ABCC3: variants seen among roughly 807,000 people sequenced by gnomAD.
ABCC3 encodes the protein ATP binding cassette subfamily C member 3.
ABCC3 carries 121 observed loss-of-function variants against 165.3 expected under a neutral mutation model. The observed-to-expected ratio is 0.73, with a 90% CI of 0.63 to 0.85. The LOEUF (loss-of-function observed/expected upper bound fraction) is 0.85. ABCC3 is among the 40% of genes least tolerant of loss of function. The probability of loss-of-function intolerance (pLI) is 0.00; values close to 1 mark genes in which losing one functional copy is unlikely to be tolerated. For missense variants in ABCC3, 1,869 were observed against 1,964.1 expected, an observed-to-expected ratio of 0.95 and a Z score of 0.92; for synonymous variants, 733 against 810.1, an observed-to-expected ratio of 0.90 and a Z score of 1.62.
intron 24 of ABCC3, 72 bp downstream of exon 24, chr17:50,678,015 TGTC>T (rs1967858835): frequency 1.2e-6 from 2 of 1,613,842 alleles, no homozygotes; most frequent in Non-Finnish European, 1.7e-6. Flanking sequence ...TCAGGGTCCT[TGTC>T]CCTCCTTTCC....
chr17:50,635,897 A>C, intron 1 of ABCC3: 2 of 279,142 alleles, frequency 7.2e-6, no homozygotes, highest in Non-Finnish European at 6.8e-6. Flanking sequence ...AAAATAAATA[A>C]ATAAGAAAAG....
chr17:50,688,750 A>G (rs1021047208), intron 30 of ABCC3, among the ~76,000 whole-genome samples: 4 of 150,564 alleles, frequency 2.7e-5, no homozygotes, highest in Non-Finnish European at 5.9e-5. Flanking sequence ...CAAAACAAAA[A>G]CAAAAATTTG....
At chr17:50,646,562 C>T (rs940522191) in intron 1 of ABCC3, among the ~76,000 whole-genome samples, 1 of 152,290 alleles carries the variant, frequency 6.6e-6, no homozygotes, top group East Asian at 1.9e-4. Context: ...AGGAAGGAGG[C>T]AGAGAAGAGG....
chr17:50,646,786 A>T (rs1311756256), intron 1 of ABCC3, among the ~76,000 whole-genome samples: 1 of 152,262 alleles, frequency 6.6e-6, no homozygotes, highest in Non-Finnish European at 1.5e-5. Flanking sequence ...AGATATTATC[A>T]TCCCAATGTT....
chr17:50,656,155 G>A, intron 2 of ABCC3, 147 bp downstream of exon 2: 1 of 610,792 alleles, frequency 1.6e-6, no homozygotes, highest in Non-Finnish European at 2.3e-6. Context: ...GCATGATCTT[G>A]GCTCACTGCA....
Position 50,665,257 on chromosome 17 carries a change from C to T in ABCC3, c.1431+12C>T, listed in dbSNP as rs752225937. 5 of 1,610,662 alleles carry T rather than the reference C, an allele frequency of 3.1e-6. No individual in the cohort carries two copies. Among genetic ancestry groups the T allele is most frequent in the South Asian group, 1.1e-5 (1 of 91,038 alleles). On this transcript the variant is annotated intron_variant, in intron 11 of 30. Transcript: ENST00000285238. Reference sequence around the variant, plus strand: ...TGCGCGCCTTCCAGGTAGGTGCTGTCAGAGGTGCATCCTCCTGCCTGCAGC... The same window carrying T: ...TGCGCGCCTTCCAGGTAGGTGCTGTTAGAGGTGCATCCTCCTGCCTGCAGC...
chr17:50,635,254 G>A (rs2054168257), intron 1 of ABCC3: 4 of 625,968 alleles, frequency 6.4e-6, no homozygotes, highest in Non-Finnish European at 8.6e-6. Flanking sequence ...GTGCGCGGCT[G>A]GGGCGCAAAG....
chr17:50,667,779 G>A, intron 12 of ABCC3, 22 bp downstream of exon 12: 1 of 1,613,984 alleles, frequency 6.2e-7, no homozygotes, highest in Admixed American at 1.7e-5. Flanking sequence ...CACAGGGCTG[G>A]GTCCCTGCCT....
chr17:50,661,174 C>T (rs573625454), intron 8 of ABCC3, 60 bp downstream of exon 8: 69 of 1,494,234 alleles, frequency 4.6e-5, no homozygotes, highest in Non-Finnish European at 5.3e-5. Flanking sequence ...GGCTGGCTAG[C>T]CCAGAGGAAG....
chr17:50,690,344 G>A (rs1305791181), intron 30 of ABCC3, among the ~76,000 whole-genome samples: 1 of 152,028 alleles, frequency 6.6e-6, no homozygotes, highest in East Asian at 1.9e-4. Flanking sequence ...CGGCGGGAGG[G>A]GAGGGGGGGC....
Position 50,667,724 on chromosome 17 carries a change from AACCACCTTC to A in ABCC3, c.1606_1614del (p.Thr536_Thr538del), listed in dbSNP as rs749389527. On this transcript the variant is annotated inframe_deletion, in exon 12 of 31. Transcript: ENST00000285238. ...GCACGGCGGCCTACCTCCACACCACAACCACCTTCACCTGGATGTGCAGCCCCTTCCTGG... is the reference window on the plus strand; with the variant it reads ...GCACGGCGGCCTACCTCCACACCACAACCTGGATGTGCAGCCCCTTCCTGG... 6.2e-6 allele frequency: 10 copies of A among 1,613,954 alleles called. No homozygotes were observed. In the South Asian group the frequency reaches 1.1e-4, roughly 18 times the overall value.
chr17:50,656,113 T>C, intron 2 of ABCC3, 105 bp downstream of exon 2: 1 of 989,504 alleles, frequency 1.0e-6, no homozygotes. Flanking sequence ...AGAGACAGAG[T>C]CTCACTCTGT....
At chr17:50,682,121 G>A (rs1307778946) in intron 26 of ABCC3, among the ~76,000 whole-genome samples, 1 of 152,094 alleles carries the variant, frequency 6.6e-6, no homozygotes, top group African/African-American at 2.4e-5. Context: ...TCGAAGCAGG[G>A]CTGGCTCCAC....
At position 50,655,825 on chromosome 17, in the gene ABCC3, T is replaced by G. The variant is rs756031850; in HGVS notation, c.46-7T>G. On this transcript the variant is annotated splice_polypyrimidine_tract_variant and splice_region_variant and intron_variant, in intron 1 of 30. Transcript: ENST00000285238. Reference sequence around the variant, plus strand: ...CCACAGCACTAAACTGTTCTCTGTGTCCCCAGGACTCCAACCTGTCTGTGC... The same window carrying G: ...CCACAGCACTAAACTGTTCTCTGTGGCCCCAGGACTCCAACCTGTCTGTGC... The G allele has an allele frequency of 6.2e-7, 1 of 1,613,576 alleles. No homozygotes were observed. The highest frequency in any genetic ancestry group is 1.7e-5 in the Admixed American group (1 of 59,988).
At position 50,640,889 on chromosome 17, in the gene ABCC3, G is replaced by A. The variant is rs368574569; in HGVS notation, c.45+5908G>A. ...CAGCACGTGTCCTTGCTCTCTCCAC[G>A]CCTTCATTGCTGCTGAGTCAATGGT... On this transcript the variant is annotated intron_variant, in intron 1 of 30. Coordinates refer to ENST00000285238, the MANE Select transcript of ABCC3 (RefSeq NM_003786.4). Among the ~76,000 whole-genome samples, 11 of 152,266 alleles carry A rather than the reference G, an allele frequency of 7.2e-5. No individual in the cohort carries two copies. The East Asian group carries it at 1.5e-3, about 21-fold the overall frequency.
In ABCC3 at chr17:50,652,481, G is replaced by A. The variant is rs118172735; in HGVS notation, c.46-3351G>A. Among the ~76,000 whole-genome samples the A allele has an allele frequency of 4.5e-4, 68 of 152,304 alleles. 1 individual carries two copies. The East Asian group carries it at 0.012, about 28-fold the overall frequency. ...CATTTAATCTTTTAGATGCCTCTGT[G>A]TATCAATTAAAGAATGCATCCCATT... On this transcript the variant is annotated intron_variant, in intron 1 of 30. Transcript: ENST00000285238.
chr17:50,645,215 A>G (rs1185714618), intron 1 of ABCC3, among the ~76,000 whole-genome samples: 1 of 150,742 alleles, frequency 6.6e-6, no homozygotes, highest in Non-Finnish European at 1.5e-5. Flanking sequence ...AAAAAAAAAA[A>G]AGAAAGAAAT....
chr17:50,673,310 G>T, intron 18 of ABCC3, 159 bp from the exon 19 acceptor site: 1 of 1,237,428 alleles, frequency 8.1e-7, no homozygotes, highest in Non-Finnish European at 1.1e-6. Context: ...CACCTGCGAG[G>T]TTCTGAGCAG....
At position 50,657,165 on chromosome 17, in the gene ABCC3, C is replaced by T. The variant is rs1290831674; in HGVS notation, c.468C>T (p.Ile156=). 5 of 1,614,102 alleles carry T rather than the reference C, an allele frequency of 3.1e-6. No individual in the cohort carries two copies. The East Asian group carries it at 8.9e-5, about 29-fold the overall frequency. Reference sequence around the variant, plus strand: ...CCATCGTCCCATTCCGCTCCAAGATCCTTTTAGCCAAGGCAGAGGTAAGGT... The same window carrying T: ...CCATCGTCCCATTCCGCTCCAAGATTCTTTTAGCCAAGGCAGAGGTAAGGT... The part of the protein sequence containing the change: ...VCAIVPFRSK[I]LLAKAEGEIS... Residue 156 remains isoleucine, a synonymous_variant, in exon 4 of 31, where the codon ATC becomes ATT. Transcript: ENST00000285238.
Sources: gnomAD v4.1 joint callset for allele counts (sites outside exome capture counted in the v4.1 genomes callset) on GRCh38, gnomAD v4.1.1 for gene constraint, MANE v1.5 for transcripts, NCBI Gene and HGNC (gene_info 2026-07-23, HGNC 2026-07-21) for gene names.